SPECC1L: variants seen among roughly 807,000 people sequenced by gnomAD.
The protein encoded by SPECC1L is sperm antigen with calponin homology and coiled-coil domains 1 like, also known as cytospin-A.
Under a neutral mutation model 116.8 loss-of-function variants are expected in SPECC1L, and 40 were observed. The observed-to-expected ratio is 0.34, with a 90% CI of 0.27 to 0.45. SPECC1L has a LOEUF of 0.45. Among genes scored for constraint, SPECC1L ranks in the 20% least tolerant of loss-of-function variants. The pLI is 1.00. For synonymous variants in SPECC1L, 504 were observed against 500.6 expected, an observed-to-expected ratio of 1.01 and a Z score of -0.09; for missense variants, 1,110 against 1,373.6, an observed-to-expected ratio of 0.81 and a Z score of 3.03.
chr22:24,284,006 G>A (rs929365247), intron 2 of SPECC1L, among the ~76,000 whole-genome samples: 8 of 151,960 alleles, frequency 5.3e-5, no homozygotes, highest in Non-Finnish European at 1.2e-4. Context: ...TGTGGCTAGA[G>A]GTTTATCAGT....
intron 14 of SPECC1L, among the ~76,000 whole-genome samples, chr22:24,404,628 G>A (rs943271454): frequency 5.9e-5 from 9 of 152,092 alleles, no homozygotes; most frequent in South Asian, 2.1e-4. Flanking sequence ...AACTTGATAC[G>A]GACCTCTGCA....
rs936639910 is a variant in SPECC1L, at chr22:24,321,427, A to G, written c.447A>G (p.Ala149=). Residue 149 remains alanine, a synonymous_variant, in exon 5 of 17, where the codon GCA becomes GCG. Coordinates refer to ENST00000314328, the MANE Select transcript of SPECC1L (RefSeq NM_015330.6). The part of the protein sequence containing the change: ...PSAGQGANDM[A]LAKRSRSRTA... ...CAGGTCAGGGAGCTAATGACATGGC[A>G]TTGGCCAAACGTTCCCGCAGTCGAA... 1.2e-6 allele frequency: 2 copies of G among 1,614,256 alleles called. No homozygotes were observed. The highest frequency in any genetic ancestry group is 1.1e-5 in the South Asian group (1 of 91,092).
Position 24,414,895 on chromosome 22 carries a change from T to G in SPECC1L, c.*272T>G. ...CCGGTGGCTGCTGGAGTTTTCCTTC[T>G]GAAGAGAATATTGAACTACACTAGT... On this transcript the variant is annotated 3_prime_UTR_variant, in exon 17 of 17. Transcript: ENST00000314328. 4.0e-6 allele frequency: 2 copies of G among 499,566 alleles called. No individual in the cohort carries two copies. The highest frequency in any genetic ancestry group is 4.1e-5 in the South Asian group (2 of 48,334). The allele number at this position is 499,566 out of a possible 1,614,324, so 30.9% of individuals were successfully genotyped here.
chr22:24,405,428 G>T (rs983295241), intron 14 of SPECC1L, among the ~76,000 whole-genome samples: 10 of 151,976 alleles, frequency 6.6e-5, no homozygotes, highest in Admixed American at 5.9e-4. Flanking sequence ...AGGGCTCCAG[G>T]TAGGAGCAGC....
At chr22:24,330,119 C>A in intron 7 of SPECC1L, 137 bp from the exon 8 acceptor site, 1 of 838,666 alleles carries the variant, frequency 1.2e-6, no homozygotes, top group Non-Finnish European at 1.9e-6. Flanking sequence ...ACTAGCAATT[C>A]TCTGGGATTA....
At chr22:24,325,116 G>A (rs556059120) in intron 6 of SPECC1L, among the ~76,000 whole-genome samples, 98 of 152,162 alleles carry the variant, frequency 6.4e-4, no homozygotes, top group Non-Finnish European at 1.3e-3. Context: ...AAATAACATT[G>A]TAAAAATTGA....
chr22:24,411,821 G>C lies in SPECC1L; in HGVS notation c.3204+117G>C, dbSNP rs953007188. The C allele has an allele frequency of 2.1e-5, 18 of 847,894 alleles. No individual in the cohort carries two copies. In the East Asian group the frequency reaches 3.4e-4, roughly 16 times the overall value. The allele number at this position is 847,894 out of a possible 1,614,324, so 52.5% of individuals were successfully genotyped here. On this transcript the variant is annotated intron_variant, in intron 15 of 16. Coordinates refer to ENST00000314328, the MANE Select transcript of SPECC1L (RefSeq NM_015330.6). The stretch of plus-strand genomic sequence containing the variant: ...CACAGCGCTGGCTTGCGATTGCCTC[G>C]TGCCATCTGGGTCTTCTGGGATCAG...
At chr22:24,348,466 G>A (rs1363799369) in intron 11 of SPECC1L, among the ~76,000 whole-genome samples, 1 of 152,082 alleles carries the variant, frequency 6.6e-6, no homozygotes, top group African/African-American at 2.4e-5. Context: ...ACACATTTAG[G>A]GGCAATGGAG....
At chr22:24,302,127 C>T (rs1047645927) in intron 2 of SPECC1L, 68 bp from the exon 3 acceptor site, 37 of 1,254,218 alleles carry the variant, frequency 3.0e-5, no homozygotes, top group African/African-American at 1.8e-4. Context: ...TAAAATTCTT[C>T]GAAAACAAAT....
intron 2 of SPECC1L, among the ~76,000 whole-genome samples, chr22:24,293,866 C>T (rs1601508113): frequency 1.1e-5 from 1 of 86,980 alleles, no homozygotes; most frequent in Admixed American, 1.4e-4. Flanking sequence ...TTATTTTGAA[C>T]ATAAAGCTTA....
chr22:24,359,199 T>C (rs2041594731), intron 11 of SPECC1L, among the ~76,000 whole-genome samples: 3 of 152,200 alleles, frequency 2.0e-5, no homozygotes, highest in African/African-American at 7.2e-5. Flanking sequence ...TCCCACTCCC[T>C]TCTCAGCACA....
intron 2 of SPECC1L, among the ~76,000 whole-genome samples, chr22:24,278,633 G>T (rs2048882695): frequency 6.6e-6 from 1 of 152,170 alleles, no homozygotes; most frequent in Admixed American, 6.5e-5. Context: ...TGGAGGGGGT[G>T]GAGGGAGGTA....
At chr22:24,300,125 C>T (rs372060489) in intron 2 of SPECC1L, among the ~76,000 whole-genome samples, 1 of 152,128 alleles carries the variant, frequency 6.6e-6, no homozygotes, top group African/African-American at 2.4e-5. Context: ...CCTCTAAGTT[C>T]TCTCCCCTCG....
intron 6 of SPECC1L, among the ~76,000 whole-genome samples, chr22:24,327,985 G>C (rs1476782735): frequency 1.3e-5 from 2 of 152,166 alleles, no homozygotes; most frequent in Non-Finnish European, 2.9e-5. Context: ...ACCCTTTCTT[G>C]CCCTTAACCA....
chr22:24,305,809 C>T (rs2049482392), intron 3 of SPECC1L, among the ~76,000 whole-genome samples: 2 of 152,148 alleles, frequency 1.3e-5, no homozygotes, highest in South Asian at 2.1e-4. Flanking sequence ...CACATTTTCT[C>T]CTGTACTTAA....
rs575176569 is a variant in SPECC1L at position 24,378,804 on chromosome 22, A to G, written c.3087+9484A>G. ...GGCACCCCAAAACAATTACTATAGT[A>G]ACATCAAAGACCACTGGTCATACAT... On this transcript the variant is annotated intron_variant, in intron 14 of 16. Coordinates refer to ENST00000314328, the MANE Select transcript of SPECC1L (RefSeq NM_015330.6). 7.4e-4 allele frequency among the ~76,000 whole-genome samples: 113 copies of G among 152,348 alleles called. 1 individual carries two copies. Among genetic ancestry groups the G allele is most frequent in the African/African-American group, 2.6e-3 (109 of 41,580 alleles).
At chr22:24,309,493 C>T (rs910825310) in intron 3 of SPECC1L, among the ~76,000 whole-genome samples, 2 of 152,054 alleles carry the variant, frequency 1.3e-5, no homozygotes, top group Admixed American at 1.3e-4. Flanking sequence ...GTCCGTCTCC[C>T]GGGTTCAAGT....
intron 10 of SPECC1L, among the ~76,000 whole-genome samples, chr22:24,339,704 G>A (rs890054579): frequency 2.0e-5 from 3 of 152,226 alleles, no homozygotes; most frequent in African/African-American, 7.2e-5. Context: ...CATTTGTGCT[G>A]TGTTTACTAG....
chr22:24,299,801 T>G (rs5751841), intron 2 of SPECC1L, among the ~76,000 whole-genome samples: 6,753 of 152,148 alleles, frequency 0.044, 329 homozygotes, highest in South Asian at 0.14. Context: ...ATATTCACAG[T>G]ATTGTGCAAC....
Sources: gnomAD v4.1 joint callset for allele counts (sites outside exome capture counted in the v4.1 genomes callset) on GRCh38, gnomAD v4.1.1 for gene constraint, MANE v1.5 for transcripts, NCBI Gene and HGNC (gene_info 2026-07-23, HGNC 2026-07-21) for gene names.